Variants in VPS13D observed in about 807,000 individuals in gnomAD.
VPS13D encodes the protein intermembrane lipid transfer protein VPS13D.
Under a neutral mutation model 461.9 loss-of-function variants are expected in VPS13D, and 187 were observed. That is an observed-to-expected ratio of 0.40 (90% CI 0.36 to 0.46). The LOEUF is 0.46. VPS13D is among the 20% of genes least tolerant of loss of function. The pLI, the probability that VPS13D is intolerant of heterozygous loss-of-function variation, is 0.60. For synonymous variants in VPS13D, 1,951 were observed against 1,986.3 expected (o/e 0.98, Z 0.47); for missense variants, 4,711 against 5,364.9 (o/e 0.88, Z 3.81).
intron 42 of VPS13D, among the ~76,000 whole-genome samples, chr1:12,343,918 C>T (rs935410066): frequency 6.6e-5 from 10 of 152,088 alleles, no homozygotes; most frequent in East Asian, 1.9e-4. Context: ...ATATATGCCA[C>T]GTAGTACTTT....
At position 12,279,418 on chromosome 1, in the gene VPS13D, T is replaced by A; in HGVS notation, c.4451-81T>A. 6.9e-7 allele frequency: 1 copy of A among 1,444,470 alleles called. No individual in the cohort carries two copies. Among genetic ancestry groups the A allele is most frequent in the Non-Finnish European group, 9.3e-7 (1 of 1,078,446 alleles). The allele number at this position is 1,444,470 out of a possible 1,614,324, so 89.5% of individuals were successfully genotyped here. Reference sequence around the variant, plus strand: ...TCTAAGTGTAACTCATGGGCTGTATTTTGTATATTCTACGTTTAATCAGCA... The same window carrying A: ...TCTAAGTGTAACTCATGGGCTGTATATTGTATATTCTACGTTTAATCAGCA... On this transcript the variant is annotated intron_variant, in intron 19 of 69. Transcript: ENST00000620676. This position sits in a 1 kb window ranked among gnomAD's most constrained non-coding sequence, Gnocchi z 4.3.
At chr1:12,493,039 G>T (rs1457242158) in intron 67 of VPS13D, among the ~76,000 whole-genome samples, 1 of 150,326 alleles carries the variant, frequency 6.7e-6, no homozygotes, top group Non-Finnish European at 1.5e-5. Flanking sequence ...GGTGGCAGAA[G>T]ACCAACTTGT....
At chr1:12,491,806 T>C (rs1557474320) in intron 67 of VPS13D, among the ~76,000 whole-genome samples, 2 of 152,244 alleles carry the variant, frequency 1.3e-5, no homozygotes, top group Non-Finnish European at 1.5e-5. Flanking sequence ...ACATTCTGGA[T>C]TAGCTGGTTG....
chr1:12,290,945 T>C, intron 22 of VPS13D, 53 bp from the exon 23 acceptor site: 1 of 1,531,338 alleles, frequency 6.5e-7, no homozygotes. Flanking sequence ...CATATTTAAG[T>C]TGTGTGACAA....
At chr1:12,344,822 G>A (rs540425926) in intron 42 of VPS13D, 1 of 152,158 alleles carries the variant, frequency 6.6e-6, no homozygotes, top group East Asian at 1.9e-4. Flanking sequence ...GTTTCCTCCT[G>A]TTCCTCCTGT....
chr1:12,363,317 C>G (rs1367750444), intron 52 of VPS13D, 70 bp downstream of exon 52: 5 of 1,503,482 alleles, frequency 3.3e-6, no homozygotes, highest in South Asian at 1.3e-5. Context: ...TAATAACAAG[C>G]CTTGTGTAAA....
intron 65 of VPS13D, among the ~76,000 whole-genome samples, chr1:12,452,806 T>A (rs1445752792): frequency 2.1e-4 from 32 of 152,262 alleles, no homozygotes; most frequent in Admixed American, 2.1e-3. Context: ...GATTTCAACA[T>A]CTACTCAAGT....
intron 65 of VPS13D, among the ~76,000 whole-genome samples, chr1:12,441,404 A>C (rs1645129433): frequency 6.6e-6 from 1 of 152,086 alleles, no homozygotes; most frequent in Non-Finnish European, 1.5e-5. Context: ...TAAAGCATGG[A>C]CGCCAGCTTT....
At chr1:12,309,517 T>C (rs1007033249) in intron 27 of VPS13D, among the ~76,000 whole-genome samples, 2 of 145,796 alleles carry the variant, frequency 1.4e-5, no homozygotes, top group African/African-American at 5.0e-5. Context: ...CCCAGCACTT[T>C]GGGAGGTCGA....
At chr1:12,318,783 A>G (rs1304208979) in intron 31 of VPS13D, among the ~76,000 whole-genome samples, 1 of 152,182 alleles carries the variant, frequency 6.6e-6, no homozygotes, top group Non-Finnish European at 1.5e-5. Flanking sequence ...GTATAGATGA[A>G]TTTACTATGG....
intron 60 of VPS13D, among the ~76,000 whole-genome samples, chr1:12,397,014 A>G (rs139943127): frequency 0.026 from 3,911 of 152,164 alleles, 60 homozygotes; most frequent in Middle Eastern, 0.058. Context: ...GCTTACTGCA[A>G]CCTCCGCCTC....
At position 12,369,478 on chromosome 1, in the gene VPS13D, C is replaced by T. The variant is rs1301241426; in HGVS notation, c.10584C>T (p.Val3528=). The T allele has an allele frequency of 6.2e-6, 10 of 1,614,120 alleles. No individual in the cohort carries two copies. The highest frequency in any genetic ancestry group is 7.6e-6 in the Non-Finnish European group (9 of 1,180,022). ...TGCCATCACTCTAGGTCCCGGTTGT[C>T]TTTACTCAGCATGGCGTAGCTGAAC... is the stretch of plus-strand genomic sequence containing the variant. ...RIDNFSKVPV[V]FTQHGVAEPR... Residue 3528 remains valine, a synonymous_variant, in exon 54 of 70, where the codon GTC becomes GTT. Coordinates refer to ENST00000620676, the MANE Select transcript of VPS13D (RefSeq NM_015378.4).
chr1:12,275,112 G>A (rs373159083), intron 18 of VPS13D, among the ~76,000 whole-genome samples: 2 of 152,162 alleles, frequency 1.3e-5, no homozygotes, highest in Admixed American at 6.5e-5. Flanking sequence ...CCAGCTGTCC[G>A]GGAGGCTGAG....
chr1:12,375,164 C>T (rs955485321), intron 55 of VPS13D, among the ~76,000 whole-genome samples: 1 of 152,156 alleles, frequency 6.6e-6, no homozygotes, highest in African/African-American at 2.4e-5. Flanking sequence ...TATCCTGGGT[C>T]AATCTTATAT....
chr1:12,231,939 G>A (rs946235548), intron 1 of VPS13D, among the ~76,000 whole-genome samples: 1 of 152,118 alleles, frequency 6.6e-6, no homozygotes, highest in African/African-American at 2.4e-5. Context: ...AGTGAGCCGA[G>A]ATCCGAGATC....
chr1:12,345,356 C>A lies in VPS13D; in HGVS notation c.8886-18C>A. On this transcript the variant is annotated intron_variant, in intron 42 of 69. Coordinates refer to ENST00000620676, the MANE Select transcript of VPS13D (RefSeq NM_015378.4). ...TGGAGATTGTGCCTAATATCTTTTT[C>A]TTTGTTCTGCCTGACAGACACACCC... The A allele has an allele frequency of 6.3e-7, 1 of 1,594,262 alleles. No individual in the cohort carries two copies. The highest frequency in any genetic ancestry group is 8.6e-7 in the Non-Finnish European group (1 of 1,165,876).
intron 54 of VPS13D, 114 bp from the exon 55 acceptor site, chr1:12,373,636 T>C: frequency 1.8e-6 from 1 of 546,748 alleles, no homozygotes; most frequent in Non-Finnish European, 2.6e-6. Flanking sequence ...AAAAATTTTC[T>C]TTTTAATAAA....
At chr1:12,506,149 C>T (rs1373975126) in intron 68 of VPS13D, among the ~76,000 whole-genome samples, 6 of 152,186 alleles carry the variant, frequency 3.9e-5, no homozygotes, top group Admixed American at 1.3e-4. Context: ...TCACACTGTT[C>T]CCAAGGTTCA....
chr1:12,233,980 A>G (rs529065393), intron 1 of VPS13D, among the ~76,000 whole-genome samples: 33 of 152,250 alleles, frequency 2.2e-4, no homozygotes, highest in African/African-American at 7.5e-4. Context: ...CCCGGGAGGC[A>G]GAGATTGCAG....
Sources: gnomAD v4.1 joint callset for allele counts (sites outside exome capture counted in the v4.1 genomes callset) on GRCh38, gnomAD v4.1.1 for gene constraint, Gnocchi (gnomAD v3.1) non-coding constraint, MANE v1.5 for transcripts, NCBI Gene and HGNC (gene_info 2026-07-23, HGNC 2026-07-21) for gene names.